The following ST8SIA1 variants were observed in gnomAD, a reference collection of about 807,000 sequenced individuals.
ST8SIA1 encodes ST8 alpha-N-acetyl-neuraminide alpha-2,8-sialyltransferase 1, also known as alpha-N-acetylneuraminide alpha-2,8-sialyltransferase.
ST8SIA1 carries 16 observed loss-of-function variants against 35.9 expected under a neutral mutation model. The ratio of observed to expected loss-of-function variants is 0.45; its 90% CI spans 0.30 to 0.68. The LOEUF (loss-of-function observed/expected upper bound fraction) is 0.68. Ranked by LOEUF, ST8SIA1 falls within the 30% of genes least tolerant of loss-of-function variation. The pLI is 0.09. For missense variants in ST8SIA1, 383 were observed against 453.6 expected, an observed-to-expected ratio of 0.84 and a Z score of 1.41; for synonymous variants, 170 against 169.6, an observed-to-expected ratio of 1.00 and a Z score of -0.02.
intron 2 of ST8SIA1, among the ~76,000 whole-genome samples, chr12:22,271,283 C>G (rs74068794): frequency 6.6e-6 from 1 of 152,170 alleles, no homozygotes; most frequent in Non-Finnish European, 1.5e-5. Flanking sequence ...ACAGAAAGTT[C>G]AGAGTTGGCC....
At chr12:22,227,571 C>CA (rs923820856) in intron 4 of ST8SIA1, among the ~76,000 whole-genome samples, 6 of 151,816 alleles carry the variant, frequency 4.0e-5, no homozygotes, top group African/African-American at 1.2e-4. Context: ...GACTCCATCT[C>CA]AAAAAACAAA....
At chr12:22,231,023 T>C (rs1266768506) in intron 4 of ST8SIA1, among the ~76,000 whole-genome samples, 1 of 151,870 alleles carries the variant, frequency 6.6e-6, no homozygotes, top group Non-Finnish European at 1.5e-5. Flanking sequence ...AAACTAGAAA[T>C]ATGTTGGTGA....
intron 4 of ST8SIA1, 47 bp from the exon 5 acceptor site, chr12:22,202,085 A>G (rs1865054817): frequency 6.6e-7 from 1 of 1,506,802 alleles, no homozygotes; most frequent in Non-Finnish European, 8.8e-7. Context: ...GAGAAAAAGA[A>G]ACTCACCAAA....
At chr12:22,227,469 G>A (rs545814917) in intron 4 of ST8SIA1, among the ~76,000 whole-genome samples, 2 of 151,942 alleles carry the variant, frequency 1.3e-5, no homozygotes, top group African/African-American at 2.4e-5. Flanking sequence ...AGCTACTCGG[G>A]AGGCTGAGGC....
intron 3 of ST8SIA1, among the ~76,000 whole-genome samples, chr12:22,252,555 C>T (rs4098994): frequency 0.099 from 15,128 of 152,150 alleles, 963 homozygotes; most frequent in African/African-American, 0.17. Flanking sequence ...CAAAGGCATA[C>T]GCATACATAG....
chr12:22,247,386 A>C (rs1200027549), intron 4 of ST8SIA1, among the ~76,000 whole-genome samples: 2 of 152,140 alleles, frequency 1.3e-5, no homozygotes, highest in African/African-American at 4.8e-5. Context: ...GATTATGTAG[A>C]GCCTTCTTGT....
In ST8SIA1 at chr12:22,194,702, T is replaced by C. The variant is rs1198861573; in HGVS notation, c.*6850A>G. ...TTAAGTAATCATGGATACAAAAGCC[T>C]GTTACTGAAGTAATTGTGGAAGCAG... is the stretch of plus-strand genomic sequence containing the variant. On this transcript the variant is annotated 3_prime_UTR_variant, in exon 5 of 5. Coordinates refer to ENST00000396037, the MANE Select transcript of ST8SIA1 (RefSeq NM_003034.4). 6.6e-6 allele frequency: 1 copy of C among 152,216 alleles called. No individual in the cohort carries two copies. Among genetic ancestry groups the C allele is most frequent in the East Asian group, 1.9e-4 (1 of 5,182 alleles). The allele number at this position is 152,216 out of a possible 1,614,324, so 9.4% of individuals were successfully genotyped here. A position where few individuals can be genotyped will look rare whatever the true frequency, so the allele number is the denominator to read the frequency against.
At chr12:22,212,987 A>G (rs1233557479) in intron 4 of ST8SIA1, among the ~76,000 whole-genome samples, 1 of 152,162 alleles carries the variant, frequency 6.6e-6, no homozygotes, top group African/African-American at 2.4e-5. Context: ...GGTCTTTGAG[A>G]TCATTTTCAA....
intron 2 of ST8SIA1, among the ~76,000 whole-genome samples, chr12:22,259,751 C>A (rs901280640): frequency 6.6e-6 from 1 of 152,124 alleles, no homozygotes; most frequent in Non-Finnish European, 1.5e-5. Context: ...CAGGCATGAG[C>A]CACCGCGCCC....
chr12:22,204,243 G>C (rs1395680587), intron 4 of ST8SIA1, among the ~76,000 whole-genome samples: 2 of 151,990 alleles, frequency 1.3e-5, no homozygotes, highest in Non-Finnish European at 2.9e-5. Context: ...AATACGGTTA[G>C]AACTTTCCCC....
intron 2 of ST8SIA1, among the ~76,000 whole-genome samples, chr12:22,285,312 C>A (rs1033511443): frequency 2.0e-5 from 3 of 152,214 alleles, no homozygotes; most frequent in African/African-American, 7.2e-5. Context: ...GTCCCTAGAC[C>A]ACAGTTACAG....
In ST8SIA1 at chr12:22,194,627, T is replaced by C. The variant is rs1161964111; in HGVS notation, c.*6925A>G. On this transcript the variant is annotated 3_prime_UTR_variant, in exon 5 of 5. Coordinates refer to ENST00000396037, the MANE Select transcript of ST8SIA1 (RefSeq NM_003034.4). ...TCCACAGGTAAAGGGCTTATGTGTG[T>C]TTGTGTTGTGTACACTAGAATACAG... The C allele has an allele frequency of 1.3e-5, 2 of 152,202 alleles. No homozygotes were observed. The highest frequency in any genetic ancestry group is 2.9e-5 in the Non-Finnish European group (2 of 68,040). 9.4% of individuals were successfully genotyped at this position (152,202 alleles called of 1,614,324 possible). A position where few individuals can be genotyped will look rare whatever the true frequency, so the allele number is the denominator to read the frequency against.
In ST8SIA1 at chr12:22,283,733, G is replaced by A. The variant is rs941942828; in HGVS notation, c.381+3416C>T. Among the ~76,000 whole-genome samples the A allele has an allele frequency of 1.1e-3, 165 of 152,218 alleles. 1 individual carries two copies. The highest frequency in any genetic ancestry group is 3.7e-3 in the African/African-American group (153 of 41,520). On this transcript the variant is annotated intron_variant, in intron 2 of 4. Transcript: ENST00000396037. Reference sequence around the variant, plus strand: ...ATAGTTCAAGCAAGGGTACTGCAGGGGTCCAGCCCAAGTGAGACACAGACA... The same window carrying A: ...ATAGTTCAAGCAAGGGTACTGCAGGAGTCCAGCCCAAGTGAGACACAGACA...
At chr12:22,316,740 A>G (rs1866525275) in intron 1 of ST8SIA1, among the ~76,000 whole-genome samples, 1 of 152,214 alleles carries the variant, frequency 6.6e-6, no homozygotes, top group South Asian at 2.1e-4. Context: ...CCCTTAACAA[A>G]TAAAGAACAC....
rs1375197287 is a variant in ST8SIA1 at position 22,193,877 on chromosome 12, A to T, written c.*7675T>A. 2.6e-5 allele frequency: 4 copies of T among 152,096 alleles called. No homozygotes were observed. Among genetic ancestry groups the T allele is most frequent in the African/African-American group, 4.8e-5 (2 of 41,428 alleles). 9.4% of individuals were successfully genotyped at this position (152,096 alleles called of 1,614,324 possible). A position where few individuals can be genotyped will look rare whatever the true frequency, so the allele number is the denominator to read the frequency against. ...TTATATGAGAAAAAATAATGTTTTAATTTTTCTATTTTCTTAACTCCAGCC... is the reference window on the plus strand; with the variant it reads ...TTATATGAGAAAAAATAATGTTTTATTTTTTCTATTTTCTTAACTCCAGCC... On this transcript the variant is annotated 3_prime_UTR_variant, in exon 5 of 5. Coordinates refer to ENST00000396037, the MANE Select transcript of ST8SIA1 (RefSeq NM_003034.4).
chr12:22,258,214 A>G (rs547885295), intron 2 of ST8SIA1, among the ~76,000 whole-genome samples: 11 of 152,272 alleles, frequency 7.2e-5, no homozygotes, highest in African/African-American at 2.6e-4. Context: ...GCCATTTACC[A>G]ACATATGGAA....
rs1007643415 is a variant in ST8SIA1, at chr12:22,230,155, C to T, written c.584+18851G>A. Among the ~76,000 whole-genome samples the T allele has an allele frequency of 7.9e-5, 12 of 152,256 alleles. No homozygotes were observed. In the South Asian group the frequency reaches 2.5e-3, roughly 32 times the overall value. On this transcript the variant is annotated intron_variant, in intron 4 of 4. Transcript: ENST00000396037. ...ATGCTCTTACACAAAAATCAGAAAA[C>T]CTTTCCATCTAAAGGTTATGAAATC... is the stretch of plus-strand genomic sequence containing the variant.
intron 4 of ST8SIA1, among the ~76,000 whole-genome samples, chr12:22,237,438 A>T (rs1008235950): frequency 6.6e-6 from 1 of 151,844 alleles, no homozygotes; most frequent in Non-Finnish European, 1.5e-5. Context: ...TTTCCCCATT[A>T]TAAAATTTTG....
intron 1 of ST8SIA1, among the ~76,000 whole-genome samples, chr12:22,290,563 T>C (rs1866162013): frequency 6.6e-6 from 1 of 152,166 alleles, no homozygotes; most frequent in Non-Finnish European, 1.5e-5. Context: ...TTCCTGTGTA[T>C]GCAGGGAGAT....
Sources: allele counts gnomAD v4.1 joint callset (sites outside exome capture counted in the v4.1 genomes callset), GRCh38; gene constraint gnomAD v4.1.1; transcripts MANE v1.5; gene names NCBI Gene and HGNC (gene_info 2026-07-23, HGNC 2026-07-21).